The following BCCIP variants were observed in gnomAD, a reference collection of about 807,000 sequenced individuals.
The protein encoded by BCCIP is BRCA2 and CDKN1A interacting protein.
A neutral mutation model predicts 32.8 loss-of-function variants in BCCIP; 23 were observed. The ratio of observed to expected loss-of-function variants is 0.70; its 90% confidence interval spans 0.51 to 0.99. The LOEUF is 0.99. BCCIP is among the 50% of genes least tolerant of loss of function. The pLI, the probability that BCCIP is intolerant of heterozygous loss-of-function variation, is 0.00. For missense variants in BCCIP, 378 were observed against 379.8 expected (o/e 1.00, Z 0.04); for synonymous variants, 144 against 137.6 (o/e 1.05, Z -0.33).
chr10:125,831,986 G>A (rs534079854), intron 5 of BCCIP, among the ~76,000 whole-genome samples: 1 of 152,284 alleles, frequency 6.6e-6, no homozygotes, highest in African/African-American at 2.4e-5. Flanking sequence ...CTATTGGTAT[G>A]TTTCATAACA....
Position 125,823,569 on chromosome 10 carries a change from G to T in BCCIP, c.12G>T (p.Arg4Ser). The T allele has an allele frequency of 1.2e-6, 2 of 1,613,890 alleles. No homozygotes were observed. The highest frequency in any genetic ancestry group is 1.3e-5 in the African/African-American group (1 of 75,054). ...GTGTGAGCGGCAACATGGCGTCCAGGTCTAAGCGGCGTGCCGTGGAAAGTG... is the reference window on the plus strand; with the variant it reads ...GTGTGAGCGGCAACATGGCGTCCAGTTCTAAGCGGCGTGCCGTGGAAAGTG... Reference protein sequence around the residue: MASRSKRRAVESGV... With the variant: MASSSKRRAVESGV... The change falls in exon 1 of 7, where the codon AGG becomes AGT. Residue 4 changes from arginine to serine, a missense_variant. Coordinates refer to ENST00000278100, the MANE Select transcript of BCCIP (RefSeq NM_078468.3).
At chr10:125,841,493 G>A, downstream of BCCIP, 1 of 1,452,492 alleles carries the variant, frequency 6.9e-7, no homozygotes, top group Non-Finnish European at 9.0e-7. Context: ...AAGAAATCTA[G>A]TATGTTTTCA....
chr10:125,851,848 G>T (rs1335902117), intron 7 of BCCIP, among the ~76,000 whole-genome samples: 4 of 148,774 alleles, frequency 2.7e-5, no homozygotes, highest in African/African-American at 9.9e-5. Flanking sequence ...TTGAGCCTGT[G>T]AGGTGGAGGT....
At chr10:125,826,451 A>G (rs1342985751) in intron 1 of BCCIP, 140 bp from the exon 2 acceptor site, 3 of 1,340,656 alleles carry the variant, frequency 2.2e-6, no homozygotes, top group South Asian at 2.8e-5. Context: ...TTGTTTTCTC[A>G]GGCTTTTGTG....
exon 7 of BCCIP, chr10:125,841,602 C>T (rs1589703529): frequency 1.4e-6 from 2 of 1,452,240 alleles, no homozygotes; most frequent in African/African-American, 2.9e-5. Context: ...TAAAATACCT[C>T]ACTATCATTT....
At chr10:125,836,934 C>T (rs921826660), downstream of BCCIP, 1 of 1,285,250 alleles carries the variant, frequency 7.8e-7, no homozygotes, top group African/African-American at 1.5e-5. Flanking sequence ...CTGGGCACTT[C>T]CCATCCCTGG....
downstream of BCCIP, among the ~76,000 whole-genome samples, chr10:125,837,738 T>C (rs1388238932): frequency 6.6e-6 from 1 of 152,208 alleles, no homozygotes; most frequent in Non-Finnish European, 1.5e-5. Context: ...GAGAAGATGC[T>C]ACTCTTGCTT....
rs1232466048 is a variant in BCCIP at position 125,836,290 on chromosome 10, C to CA, written c.*17dup. The stretch of plus-strand genomic sequence containing the variant: ...ATCTGTCTAACCCATTTCCAATGGA[C>CA]AGTGATGGGCTTGTTTTTGTAAAAT... On this transcript the variant is annotated 3_prime_UTR_variant, in exon 7 of 7. Transcript: ENST00000278100. 6.2e-7 allele frequency: 1 copy of CA among 1,613,552 alleles called. No homozygotes were observed. The highest frequency in any genetic ancestry group is 1.1e-5 in the South Asian group (1 of 90,964).
intron 7 of BCCIP, among the ~76,000 whole-genome samples, chr10:125,847,871 C>T (rs1026876263): frequency 1.5e-4 from 23 of 152,146 alleles, no homozygotes; most frequent in South Asian, 4.2e-4. Flanking sequence ...CGAGCTCCTA[C>T]GAGAATCCAG....
rs1854428339 is a variant in BCCIP at position 125,827,585 on chromosome 10, G to A, written c.268G>A (p.Ala90Thr). Reference protein sequence around the residue: ...QLFLKAPVNTAELTDLLIQQN... With the variant: ...QLFLKAPVNTTELTDLLIQQN... Reference sequence around the variant, plus strand: ...TTTTCTAAAGGCTCCTGTGAACACTGCAGAACTAACAGATCTCTTAATTCA... The same window carrying A: ...TTTTCTAAAGGCTCCTGTGAACACTACAGAACTAACAGATCTCTTAATTCA... The change falls in exon 3 of 7, where the codon GCA (alanine) becomes ACA (threonine). Residue 90 changes from alanine to threonine, a missense_variant. By Grantham distance (58) the Ala-to-Thr change is moderately conservative. Transcript: ENST00000278100. 6.2e-7 allele frequency: 1 copy of A among 1,612,838 alleles called. No homozygotes were observed. Among genetic ancestry groups the A allele is most frequent in the African/African-American group, 1.3e-5 (1 of 74,892 alleles).
downstream of BCCIP, among the ~76,000 whole-genome samples, chr10:125,845,239 C>T (rs1943999797): frequency 6.6e-6 from 1 of 152,148 alleles, no homozygotes; most frequent in Non-Finnish European, 1.5e-5. Context: ...CGGTTGGCTC[C>T]CAAACCCTCA....
chr10:125,832,017 AC>A, intron 5 of BCCIP, among the ~76,000 whole-genome samples: 1 of 152,318 alleles, frequency 6.6e-6, no homozygotes, highest in East Asian at 1.9e-4. Flanking sequence ...TAGTCCTGAT[AC>A]TGTGGCTAGC....
At chr10:125,834,835 A>C (rs1255816749) in intron 6 of BCCIP, among the ~76,000 whole-genome samples, 2 of 142,400 alleles carry the variant, frequency 1.4e-5, no homozygotes, top group Admixed American at 7.0e-5. Flanking sequence ...CAAACAAAAA[A>C]CACAAAAACA....
rs377329748 is a variant in BCCIP at position 125,842,049 on chromosome 10, A to G, written c.*690A>G. 10 of 1,321,440 alleles carry G rather than the reference A, an allele frequency of 7.6e-6. No individual in the cohort carries two copies. The East Asian group carries it at 1.4e-4, about 18-fold the overall frequency. 81.9% of individuals were successfully genotyped at this position (1,321,440 alleles called of 1,614,324 possible). A position where few individuals can be genotyped will look rare whatever the true frequency, so the allele number is the denominator to read the frequency against. On this transcript the variant is annotated 3_prime_UTR_variant, in exon 7 of 7. Coordinates refer to the BCCIP transcript ENST00000299130. ...GCAAACAATGGACAAAATATGTGAA[A>G]CAACGGTTTGCAAGCCACCAAATAC...
downstream of BCCIP, chr10:125,838,966 A>C: frequency 6.3e-7 from 1 of 1,590,112 alleles, no homozygotes; most frequent in Non-Finnish European, 8.6e-7. Flanking sequence ...GCAATTCAGC[A>C]GAGCCTATGC....
At chr10:125,845,491 C>G (rs189580915), downstream of BCCIP, among the ~76,000 whole-genome samples, 3 of 152,320 alleles carry the variant, frequency 2.0e-5, no homozygotes, top group East Asian at 5.8e-4. Context: ...GAACATCATG[C>G]CTTCTCTTGT....
chr10:125,847,334 T>C (rs1168779780), downstream of BCCIP, among the ~76,000 whole-genome samples: 2 of 152,244 alleles, frequency 1.3e-5, no homozygotes, highest in Non-Finnish European at 2.9e-5. Flanking sequence ...AATTCACTTT[T>C]TCCTTATGCT....
downstream of BCCIP, among the ~76,000 whole-genome samples, chr10:125,847,112 T>C (rs1427640547): frequency 6.6e-6 from 1 of 152,158 alleles, no homozygotes; most frequent in Admixed American, 6.5e-5. Context: ...TCTACACATT[T>C]GCATAATGCC....
chr10:125,833,105 C>A (rs1325941761), intron 5 of BCCIP, among the ~76,000 whole-genome samples: 1 of 143,106 alleles, frequency 7.0e-6, no homozygotes, highest in African/African-American at 2.6e-5. Context: ...GCCTGGGCAA[C>A]AGAGTGAGAT....
Sources: gnomAD v4.1 joint callset for allele counts (sites outside exome capture counted in the v4.1 genomes callset) on GRCh38, gnomAD v4.1.1 for gene constraint, MANE v1.5 for transcripts, NCBI Gene and HGNC (gene_info 2026-07-23, HGNC 2026-07-21) for gene names.